ARHGAP1: variants seen among roughly 807,000 people sequenced by gnomAD.
The protein encoded by ARHGAP1 is Rho GTPase activating protein 1.
A neutral mutation model predicts 52.2 loss-of-function variants in ARHGAP1; 23 were observed. The ratio of observed to expected loss-of-function variants is 0.44; its 90% CI spans 0.32 to 0.62. ARHGAP1 has a LOEUF of 0.62. ARHGAP1 is among the 20% of genes least tolerant of loss of function. The pLI, the probability that ARHGAP1 is intolerant of heterozygous loss-of-function variation, is 0.05. For missense variants in ARHGAP1, 480 were observed against 560.9 expected, an observed-to-expected ratio of 0.86 and a Z score of 1.46; for synonymous variants, 210 against 228.4, an observed-to-expected ratio of 0.92 and a Z score of 0.73.
intron 3 of ARHGAP1, among the ~76,000 whole-genome samples, chr11:46,693,511 T>C (rs1157791554): frequency 6.6e-6 from 1 of 151,754 alleles, no homozygotes; most frequent in African/African-American, 2.4e-5. Context: ...ACTGAAAGGA[T>C]CCTCCCACCT....
At chr11:46,692,549 G>C (rs1331612174) in intron 3 of ARHGAP1, among the ~76,000 whole-genome samples, 3 of 152,268 alleles carry the variant, frequency 2.0e-5, no homozygotes, top group Admixed American at 6.5e-5. Flanking sequence ...GTTGGGGGGA[G>C]GGCTGGAGGC....
chr11:46,688,317 G>C, intron 3 of ARHGAP1, 57 bp from the exon 4 acceptor site: 1 of 1,528,582 alleles, frequency 6.5e-7, no homozygotes, highest in Non-Finnish European at 9.0e-7. Flanking sequence ...AAGAAGTGGG[G>C]TGAGGAACTT....
In ARHGAP1 at chr11:46,679,531, T is replaced by C. The variant is rs2134476013; in HGVS notation, c.1028-63A>G. On this transcript the variant is annotated intron_variant, in intron 11 of 12. Coordinates refer to ENST00000311956, the MANE Select transcript of ARHGAP1 (RefSeq NM_004308.5). The surrounding 1 kb of genome is among the most constrained non-coding windows in gnomAD (Gnocchi z 4.4). ...GCTGGGCTGGTTCAGGACGCTCTGATGCAGGCTAGAGGGGAGACCCCCAGC... is the reference window on the plus strand; with the variant it reads ...GCTGGGCTGGTTCAGGACGCTCTGACGCAGGCTAGAGGGGAGACCCCCAGC... The C allele has an allele frequency of 6.2e-7, 1 of 1,608,532 alleles. No homozygotes were observed. Among genetic ancestry groups the C allele is most frequent in the Non-Finnish European group, 8.5e-7 (1 of 1,176,100 alleles).
chr11:46,681,183 C>G lies in ARHGAP1; in HGVS notation c.537-74G>C. 6.5e-7 allele frequency: 1 copy of G among 1,538,388 alleles called. No homozygotes were observed. Among genetic ancestry groups the G allele is most frequent in the Non-Finnish European group, 9.0e-7 (1 of 1,111,572 alleles). ...CCTCCACTCTCCCCTCAACACCCACCCAGTTCAGACGGAAGCCCAGCCGCA... is the reference window on the plus strand; with the variant it reads ...CCTCCACTCTCCCCTCAACACCCACGCAGTTCAGACGGAAGCCCAGCCGCA... On this transcript the variant is annotated intron_variant, in intron 6 of 12. Transcript: ENST00000311956. The surrounding 1 kb of genome is among the most constrained non-coding windows in gnomAD (Gnocchi z 5.7).
At chr11:46,695,098 T>C in intron 3 of ARHGAP1, 1 of 202,760 alleles carries the variant, frequency 4.9e-6, no homozygotes, top group Non-Finnish European at 1.0e-5. Flanking sequence ...GGGTCCCCCC[T>C]TATGAACAGG....
chr11:46,689,831 G>A (rs530074704), intron 3 of ARHGAP1, among the ~76,000 whole-genome samples: 8 of 151,824 alleles, frequency 5.3e-5, no homozygotes, highest in Non-Finnish European at 1.2e-4. Flanking sequence ...GAGCCACCAC[G>A]CCCGGCTCTT....
intron 3 of ARHGAP1, among the ~76,000 whole-genome samples, chr11:46,694,056 G>C (rs1382116524): frequency 1.3e-5 from 2 of 151,956 alleles, no homozygotes; most frequent in Middle Eastern, 6.3e-3. Context: ...ACATCTCCAC[G>C]GTCTCACCAA....
At chr11:46,683,037 CTTTT>C (rs66603634) in intron 4 of ARHGAP1, among the ~76,000 whole-genome samples, 1 of 108,794 alleles carries the variant, frequency 9.2e-6, no homozygotes, top group Non-Finnish European at 1.8e-5. Flanking sequence ...CCAAAGCCTG[CTTTT>C]TTTTTTTTTT....
At chr11:46,697,516 C>T (rs1383758775) in intron 1 of ARHGAP1, 4 of 152,250 alleles carry the variant, frequency 2.6e-5, no homozygotes, top group Admixed American at 2.6e-4. Flanking sequence ...ACTCTGGGCT[C>T]TGAGGCCACT....
At position 46,681,068 on chromosome 11, in the gene ARHGAP1, C is replaced by T. The variant is rs773837769; in HGVS notation, c.578G>A (p.Ser193Asn). The change falls in exon 7 of 13, where the codon AGC becomes AAC. Residue 193 changes from serine to asparagine, a missense_variant. Coordinates refer to ENST00000311956, the MANE Select transcript of ARHGAP1 (RefSeq NM_004308.5). This position sits in a 1 kb window ranked among gnomAD's most constrained non-coding sequence, Gnocchi z 5.7. ...CAGCTTCACGTGCTCGCTCAGCTCG[C>T]TCAGGTAATTCACATAGAAGATCTT... is the stretch of plus-strand genomic sequence containing the variant. ...GQKIFYVNYL[S>N]ELSEHVKLEQ... The T allele has an allele frequency of 1.9e-6, 3 of 1,614,204 alleles. No individual in the cohort carries two copies. The highest frequency in any genetic ancestry group is 2.5e-6 in the Non-Finnish European group (3 of 1,180,044).
At chr11:46,682,464 A>G (rs1416660676) in intron 4 of ARHGAP1, among the ~76,000 whole-genome samples, 1 of 152,242 alleles carries the variant, frequency 6.6e-6, no homozygotes, top group Non-Finnish European at 1.5e-5. Flanking sequence ...CGGGTGGATC[A>G]CCTGAGGTCA....
In ARHGAP1 at chr11:46,681,155, TG is replaced by T. The variant is rs770146153; in HGVS notation, c.537-47del. The T allele has an allele frequency of 6.4e-6, 10 of 1,562,680 alleles. No individual in the cohort carries two copies. The highest frequency in any genetic ancestry group is 8.8e-6 in the Non-Finnish European group (10 of 1,133,388). The stretch of plus-strand genomic sequence containing the variant: ...CTGGGTTGTGGGGGCCCGCTTCCGG[TG>T]GCCTCCACTCTCCCCTCAACACCCA... On this transcript the variant is annotated intron_variant, in intron 6 of 12. Transcript: ENST00000311956. This position sits in a 1 kb window ranked among gnomAD's most constrained non-coding sequence, Gnocchi z 5.7.
In ARHGAP1 at chr11:46,677,130, CAT is replaced by C. The variant is rs1026645592; in HGVS notation, c.*1905_*1906del. On this transcript the variant is annotated 3_prime_UTR_variant, in exon 13 of 13. Transcript: ENST00000311956. ...TACAAAAAGTGCAAACGGTGAAATA[CAT>C]GATTGGTGCCAAGGAAGTCATTAAG... The C allele has an allele frequency of 2.6e-5, 4 of 152,644 alleles. No individual in the cohort carries two copies. The highest frequency in any genetic ancestry group is 9.6e-5 in the African/African-American group (4 of 41,452). 9.5% of individuals were successfully genotyped at this position (152,644 alleles called of 1,614,324 possible).
intron 3 of ARHGAP1, among the ~76,000 whole-genome samples, chr11:46,690,378 C>G (rs1565688628): frequency 2.7e-5 from 4 of 150,222 alleles, no homozygotes; most frequent in Admixed American, 6.6e-5. Flanking sequence ...TAAAGCGAGA[C>G]TCCGTCTCAA....
chr11:46,691,090 G>A (rs2064610993), intron 3 of ARHGAP1, among the ~76,000 whole-genome samples: 1 of 152,056 alleles, frequency 6.6e-6, no homozygotes, highest in African/African-American at 2.4e-5. Flanking sequence ...ATCTTGTTAT[G>A]TTGCCCAGGC....
chr11:46,685,421 G>A (rs1223104596), intron 4 of ARHGAP1, among the ~76,000 whole-genome samples: 1 of 150,930 alleles, frequency 6.6e-6, no homozygotes, highest in Non-Finnish European at 1.5e-5. Flanking sequence ...TCCGCCTCCT[G>A]GGTTCAGGTG....
Position 46,680,105 on chromosome 11 carries a change from G to C in ARHGAP1, c.898+100C>G. ...CCCAGAGCCACGGAAACCTCCAGCAGGAAGAGACTCTGAGACTCTCATTTA... is the reference window on the plus strand; with the variant it reads ...CCCAGAGCCACGGAAACCTCCAGCACGAAGAGACTCTGAGACTCTCATTTA... On this transcript the variant is annotated intron_variant, in intron 10 of 12. Transcript: ENST00000311956. This position sits in a 1 kb window ranked among gnomAD's most constrained non-coding sequence, Gnocchi z 5.9. 3.6e-6 allele frequency: 5 copies of C among 1,386,518 alleles called. No individual in the cohort carries two copies. Among genetic ancestry groups the C allele is most frequent in the Non-Finnish European group, 5.1e-6 (5 of 980,334 alleles). The allele number at this position is 1,386,518 out of a possible 1,614,324, so 85.9% of individuals were successfully genotyped here.
intron 4 of ARHGAP1, 101 bp downstream of exon 4, chr11:46,688,072 G>T: frequency 8.7e-7 from 1 of 1,147,478 alleles, no homozygotes; most frequent in Non-Finnish European, 1.3e-6. Flanking sequence ...TAAGGCAGGT[G>T]GCCTAGCACC....
At chr11:46,683,180 A>C (rs1443765447) in intron 4 of ARHGAP1, among the ~76,000 whole-genome samples, 1 of 151,856 alleles carries the variant, frequency 6.6e-6, no homozygotes, top group Non-Finnish European at 1.5e-5. Flanking sequence ...TAGGAACCGC[A>C]GGTGTGAGCC....
Sources: allele counts gnomAD v4.1 joint callset (sites outside exome capture counted in the v4.1 genomes callset), GRCh38; gene constraint gnomAD v4.1.1; non-coding constraint Gnocchi (gnomAD v3.1); transcripts MANE v1.5; gene names NCBI Gene and HGNC (gene_info 2026-07-23, HGNC 2026-07-21).